Variants in LYPD6B observed in about 807,000 individuals in gnomAD.
The protein encoded by LYPD6B is LY6/PLAUR domain containing 6B.
A neutral mutation model predicts 22.8 loss-of-function variants in LYPD6B; 17 were observed. The observed-to-expected ratio is 0.75, with a 90% CI of 0.51 to 1.12. LYPD6B has a LOEUF of 1.12. Among genes scored for constraint, LYPD6B ranks in the 50% most tolerant of loss-of-function variants. The probability of loss-of-function intolerance (pLI) is 0.00; values close to 1 mark genes in which losing one functional copy is unlikely to be tolerated. For missense variants in LYPD6B, 221 were observed against 258.3 expected (o/e 0.86, Z 0.99); for synonymous variants, 106 against 91.6 (o/e 1.16, Z -0.90).
At chr2:149,039,750 G>T (rs545355224) in intron 1 of LYPD6B, among the ~76,000 whole-genome samples, 1 of 152,254 alleles carries the variant, frequency 6.6e-6, no homozygotes, top group South Asian at 2.1e-4. Flanking sequence ...CTTGTTCATG[G>T]TTAGGCTTCC....
chr2:149,116,997 T>C (rs1687038946), intron 1 of LYPD6B, among the ~76,000 whole-genome samples: 1 of 152,116 alleles, frequency 6.6e-6, no homozygotes, highest in Non-Finnish European at 1.5e-5. Flanking sequence ...CTAAATACTC[T>C]AGTGCCCTAG....
rs115680801 is a variant in LYPD6B, at chr2:149,097,291, G to T, written c.-66-33592G>T. ...AGAACAAGATGCAGACAATGGGAACGTTCTTCAACTTTTTAACTGCTTAAA... is the reference window on the plus strand; with the variant it reads ...AGAACAAGATGCAGACAATGGGAACTTTCTTCAACTTTTTAACTGCTTAAA... On this transcript the variant is annotated intron_variant, in intron 1 of 6. Transcript: ENST00000409642. Among the ~76,000 whole-genome samples the T allele has an allele frequency of 1.3e-5, 2 of 152,156 alleles. 1 individual carries two copies. Among genetic ancestry groups the T allele is most frequent in the South Asian group, 4.1e-4 (2 of 4,832 alleles).
At chr2:149,182,838 A>G (rs17528173) in intron 3 of LYPD6B, among the ~76,000 whole-genome samples, 29,071 of 152,210 alleles carry the variant, frequency 0.19, 3,228 homozygotes, top group Non-Finnish European at 0.25. Context: ...TTTGCATTCC[A>G]CTTTTTCCTA....
chr2:149,163,582 G>A (rs1251070747), intron 3 of LYPD6B, among the ~76,000 whole-genome samples: 1 of 152,136 alleles, frequency 6.6e-6, no homozygotes, highest in Non-Finnish European at 1.5e-5. Context: ...TAACAAATGG[G>A]GACTTAAGCC....
chr2:149,181,323 G>A (rs893683180), intron 3 of LYPD6B, among the ~76,000 whole-genome samples: 22 of 152,008 alleles, frequency 1.4e-4, no homozygotes, highest in African/African-American at 5.1e-4. Context: ...ACCTAAAATG[G>A]CTTAATCCAT....
intron 1 of LYPD6B, among the ~76,000 whole-genome samples, chr2:149,069,482 T>C (rs1229375863): frequency 6.6e-6 from 1 of 152,160 alleles, no homozygotes; most frequent in Non-Finnish European, 1.5e-5. Context: ...AATTGGAAGA[T>C]AGCAGATCTT....
At chr2:149,212,732 T>C (rs1265864006) in intron 5 of LYPD6B, among the ~76,000 whole-genome samples, 2 of 152,212 alleles carry the variant, frequency 1.3e-5, no homozygotes, top group Non-Finnish European at 2.9e-5. Flanking sequence ...CAGTTTTTCC[T>C]CAGCTCTAAC....
At chr2:149,148,466 G>T (rs1042009776) in intron 2 of LYPD6B, among the ~76,000 whole-genome samples, 1 of 152,140 alleles carries the variant, frequency 6.6e-6, no homozygotes, top group Non-Finnish European at 1.5e-5. Context: ...AAGGAAGAGG[G>T]GCTGTTTCAA....
intron 2 of LYPD6B, among the ~76,000 whole-genome samples, chr2:149,140,302 T>G (rs1007305933): frequency 5.3e-5 from 8 of 152,136 alleles, no homozygotes; most frequent in Non-Finnish European, 1.2e-4. Flanking sequence ...GTTCAGCGCT[T>G]TGCATGATGT....
chr2:149,168,136 G>C lies in LYPD6B; in HGVS notation c.77+7301G>C, dbSNP rs902935006. 4.6e-5 allele frequency among the ~76,000 whole-genome samples: 7 copies of C among 150,610 alleles called. No homozygotes were observed. In the Admixed American group the frequency reaches 4.7e-4, roughly 10 times the overall value. ...GAGGCAGGAGAGTTGCTAGAACGGGGGAGGCGGAGTTTGCAGTGAGCCAAG... is the reference window on the plus strand; with the variant it reads ...GAGGCAGGAGAGTTGCTAGAACGGGCGAGGCGGAGTTTGCAGTGAGCCAAG... On this transcript the variant is annotated intron_variant, in intron 3 of 6. Transcript: ENST00000409642.
chr2:149,096,037 G>A (rs1388168253), intron 1 of LYPD6B, among the ~76,000 whole-genome samples: 3 of 151,930 alleles, frequency 2.0e-5, no homozygotes, highest in Non-Finnish European at 4.4e-5. Context: ...ACAGAGGGAG[G>A]CACGGAGAGA....
intron 1 of LYPD6B, among the ~76,000 whole-genome samples, chr2:149,090,483 G>T (rs1685600989): frequency 6.6e-6 from 1 of 152,130 alleles, no homozygotes; most frequent in African/African-American, 2.4e-5. Flanking sequence ...AGAGGTCAGA[G>T]GTATTCATAG....
chr2:149,072,301 A>G (rs1177732145), intron 1 of LYPD6B, among the ~76,000 whole-genome samples: 1 of 152,094 alleles, frequency 6.6e-6, no homozygotes, highest in Non-Finnish European at 1.5e-5. Context: ...GCTATGAAGG[A>G]TAACACAGGA....
intron 1 of LYPD6B, among the ~76,000 whole-genome samples, chr2:149,057,577 T>G (rs1183078296): frequency 6.6e-6 from 1 of 151,986 alleles, no homozygotes; most frequent in Non-Finnish European, 1.5e-5. Flanking sequence ...TCCCCTCCAG[T>G]CCCTACGATT....
chr2:149,131,068 G>A (rs959051672), intron 2 of LYPD6B, 115 bp downstream of exon 2: 22 of 738,584 alleles, frequency 3.0e-5, no homozygotes, highest in Admixed American at 4.0e-5. Flanking sequence ...GTGATCTGGA[G>A]TTTCATTAAT....
intron 1 of LYPD6B, among the ~76,000 whole-genome samples, chr2:149,069,549 A>G (rs1247397599): frequency 6.6e-6 from 1 of 152,160 alleles, no homozygotes; most frequent in Non-Finnish European, 1.5e-5. Flanking sequence ...CATCTTATTT[A>G]TGTTGAGAAG....
intron 3 of LYPD6B, among the ~76,000 whole-genome samples, chr2:149,198,332 G>A (rs1295745358): frequency 2.0e-5 from 3 of 152,104 alleles, no homozygotes; most frequent in South Asian, 2.1e-4. Flanking sequence ...ATGAGCCACC[G>A]CGCCTCACTG....
At chr2:149,176,320 T>C (rs1468407314) in intron 3 of LYPD6B, among the ~76,000 whole-genome samples, 2 of 152,218 alleles carry the variant, frequency 1.3e-5, no homozygotes, top group Non-Finnish European at 2.9e-5. Context: ...TTTGTGTTAC[T>C]TGTATAATAA....
chr2:149,066,475 C>T (rs1428772150), intron 1 of LYPD6B, among the ~76,000 whole-genome samples: 6 of 151,908 alleles, frequency 3.9e-5, no homozygotes, highest in African/African-American at 1.2e-4. Context: ...TGGTTTCCAG[C>T]TTCATCCATG....
Sources: allele counts gnomAD v4.1 joint callset (sites outside exome capture counted in the v4.1 genomes callset), GRCh38; gene constraint gnomAD v4.1.1; transcripts MANE v1.5; gene names NCBI Gene and HGNC (gene_info 2026-07-23, HGNC 2026-07-21).